Variants in WDR76 observed in about 807,000 individuals in gnomAD.
The protein encoded by WDR76 is WD repeat domain 76.
WDR76 carries 52 observed loss-of-function variants against 70.2 expected under a neutral mutation model. That is an observed-to-expected ratio of 0.74 (90% CI 0.59 to 0.93). The LOEUF (loss-of-function observed/expected upper bound fraction) is 0.93, where lower values mean the gene tolerates loss of function less well. Ranked by LOEUF, WDR76 falls within the 40% of genes least tolerant of loss-of-function variation. The pLI, the probability that WDR76 is intolerant of heterozygous loss-of-function variation, is 0.00. For missense variants in WDR76, 756 were observed against 760.2 expected (o/e 0.99, Z 0.07); for synonymous variants, 292 against 271.1 (o/e 1.08, Z -0.76).
At chr15:43,830,578 A>T (rs1486625754) in intron 2 of WDR76, among the ~76,000 whole-genome samples, 1 of 151,778 alleles carries the variant, frequency 6.6e-6, no homozygotes, top group African/African-American at 2.4e-5. Flanking sequence ...AAAAAAAAAA[A>T]AAAGATTCTG....
chr15:43,832,930 T>G (rs1280281819), intron 2 of WDR76, among the ~76,000 whole-genome samples: 1 of 151,752 alleles, frequency 6.6e-6, no homozygotes, highest in African/African-American at 2.4e-5. Context: ...TTTTTTTGTA[T>G]TTTTAGTAGA....
rs757231475 is a variant in WDR76, at chr15:43,828,036, A to G, written c.132A>G (p.Ile44Met). 1.9e-6 allele frequency: 3 copies of G among 1,614,154 alleles called. No individual in the cohort carries two copies. In the Admixed American group the frequency reaches 5.0e-5, roughly 27 times the overall value. The change falls in exon 2 of 13, where the codon ATA (isoleucine) becomes ATG (methionine). Residue 44 changes from isoleucine (I) to methionine (M), a missense_variant. By Grantham distance (10) the Ile-to-Met change is conservative (BLOSUM62 1). Transcript: ENST00000263795. ...GACCAGCACAGACTACAGTTTTAAT[A>G]AAAACAGCTAAGGTCTATCTTGCCC... is the stretch of plus-strand genomic sequence containing the variant. Reference protein sequence around the residue: ...SLRPAQTTVLIKTAKVYLAPF... With the variant: ...SLRPAQTTVLMKTAKVYLAPF...
rs1185930237 is a variant in WDR76 at position 43,857,537 on chromosome 15, C to G, written c.1409+374C>G. 4.1e-6 allele frequency: 4 copies of G among 985,196 alleles called. No individual in the cohort carries two copies. The East Asian group carries it at 4.5e-4, about 112-fold the overall frequency. 61.0% of individuals were successfully genotyped at this position (985,196 alleles called of 1,614,324 possible). On this transcript the variant is annotated intron_variant, in intron 10 of 12. Coordinates refer to ENST00000263795, the MANE Select transcript of WDR76 (RefSeq NM_024908.4). ...ATTGAAAAACCAACTAGAAACTTGACAGCTGGGCGTGGTGGCTCATGCCTG... is the reference window on the plus strand; with the variant it reads ...ATTGAAAAACCAACTAGAAACTTGAGAGCTGGGCGTGGTGGCTCATGCCTG...
At chr15:43,852,591 C>T (rs1299499176) in intron 9 of WDR76, among the ~76,000 whole-genome samples, 2 of 151,564 alleles carry the variant, frequency 1.3e-5, no homozygotes, top group South Asian at 2.1e-4. Context: ...AGGCTGGTCT[C>T]GAACTCCTGA....
At chr15:43,851,378 T>G in intron 9 of WDR76, 133 bp downstream of exon 9, 6 of 1,237,252 alleles carry the variant, frequency 4.8e-6, no homozygotes, top group Non-Finnish European at 6.8e-6. Flanking sequence ...CTGCCTAAGT[T>G]CAAATCCCAG....
intron 2 of WDR76, among the ~76,000 whole-genome samples, chr15:43,829,005 A>G (rs2141719646): frequency 6.6e-6 from 1 of 151,440 alleles, no homozygotes; most frequent in African/African-American, 2.4e-5. Flanking sequence ...CAGTTTTAAT[A>G]GATTGTCCTG....
At chr15:43,859,859 G>A (rs2087974364) in intron 11 of WDR76, among the ~76,000 whole-genome samples, 1 of 152,206 alleles carries the variant, frequency 6.6e-6, no homozygotes, top group East Asian at 1.9e-4. Flanking sequence ...GAAAAGCTAG[G>A]CACAAGGAGA....
chr15:43,829,499 C>A (rs912183745), intron 2 of WDR76, among the ~76,000 whole-genome samples: 4 of 58,000 alleles, frequency 6.9e-5, no homozygotes, highest in African/African-American at 2.3e-4. Context: ...AGCATGGCCA[C>A]TTTTTTTTTT....
chr15:43,846,381 G>A (rs1414812455), intron 8 of WDR76, among the ~76,000 whole-genome samples: 1 of 148,676 alleles, frequency 6.7e-6, no homozygotes, highest in Non-Finnish European at 1.5e-5. Flanking sequence ...AACTTCCCAC[G>A]GTCAAGCAAT....
intron 8 of WDR76, among the ~76,000 whole-genome samples, chr15:43,844,273 T>C (rs945200041): frequency 6.6e-6 from 1 of 152,198 alleles, no homozygotes; most frequent in Non-Finnish European, 1.5e-5. Flanking sequence ...CATCTGGTCA[T>C]AAATTAACTG....
Position 43,854,062 on chromosome 15 carries a change from C to G in WDR76, c.1191+2817C>G, listed in dbSNP as rs565198325. Among the ~76,000 whole-genome samples the G allele has an allele frequency of 1.9e-4, 29 of 152,184 alleles. No individual in the cohort carries two copies. The South Asian group carries it at 6.0e-3, about 32-fold the overall frequency. The stretch of plus-strand genomic sequence containing the variant: ...GATACTTGCCAGTAATAAGTGTTGA[C>G]AATGATGTGGAAAAATTGAAACCCT... On this transcript the variant is annotated intron_variant, in intron 9 of 12. Transcript: ENST00000263795.
chr15:43,864,418 T>C (rs145756785), intron 12 of WDR76, among the ~76,000 whole-genome samples: 5 of 152,334 alleles, frequency 3.3e-5, no homozygotes, highest in African/African-American at 1.2e-4. Context: ...CAATACTTGC[T>C]ATCTTTTGCT....
chr15:43,840,548 A>T (rs1176464607), intron 5 of WDR76, among the ~76,000 whole-genome samples: 1 of 152,206 alleles, frequency 6.6e-6, no homozygotes, highest in Non-Finnish European at 1.5e-5. Context: ...TTAATACTTT[A>T]TATGTAAGTG....
At chr15:43,855,998 T>C (rs2140310627) in intron 9 of WDR76, among the ~76,000 whole-genome samples, 1 of 152,354 alleles carries the variant, frequency 6.6e-6, no homozygotes. Context: ...CTTACAAGCA[T>C]ATAGTTATAC....
At position 43,852,587 on chromosome 15, in the gene WDR76, G is replaced by C. The variant is rs571008721; in HGVS notation, c.1191+1342G>C. On this transcript the variant is annotated intron_variant, in intron 9 of 12. Coordinates refer to ENST00000263795, the MANE Select transcript of WDR76 (RefSeq NM_024908.4). ...GGGTTTCACCATGTTGACCAGGCTG[G>C]TCTCGAACTCCTGACCTTGTAATCC... Among the ~76,000 whole-genome samples, 3 of 152,154 alleles carry C rather than the reference G, an allele frequency of 2.0e-5. No homozygotes were observed. In the South Asian group the frequency reaches 6.2e-4, roughly 32 times the overall value.
intron 2 of WDR76, among the ~76,000 whole-genome samples, chr15:43,830,533 G>T (rs1056735116): frequency 2.6e-4 from 38 of 144,330 alleles, no homozygotes; most frequent in African/African-American, 9.9e-4. Flanking sequence ...TTGCACTCCA[G>T]CCTGGGCAAC....
intron 2 of WDR76, among the ~76,000 whole-genome samples, chr15:43,833,762 G>A (rs977959175): frequency 7.9e-5 from 12 of 151,686 alleles, no homozygotes; most frequent in African/African-American, 2.9e-4. Context: ...TCAGCCTCCC[G>A]AGTAGCTGGG....
At position 43,867,267 on chromosome 15, in the gene WDR76, T is replaced by C. The variant is rs886748145; in HGVS notation, c.*875T>C. The stretch of plus-strand genomic sequence containing the variant: ...TCTGGGTCTGTCTGTACTTTGCCTT[T>C]ACTCTAGATGGCTCCTGAGACACAG... On this transcript the variant is annotated 3_prime_UTR_variant, in exon 13 of 13. Transcript: ENST00000263795. The C allele has an allele frequency of 6.6e-6, 1 of 152,116 alleles. No homozygotes were observed. Among genetic ancestry groups the C allele is most frequent in the Non-Finnish European group, 1.5e-5 (1 of 68,022 alleles). The allele number at this position is 152,116 out of a possible 1,614,324, so 9.4% of individuals were successfully genotyped here. A position where few individuals can be genotyped will look rare whatever the true frequency, so the allele number is the denominator to read the frequency against.
chr15:43,833,800 C>A (rs574637211), intron 2 of WDR76, among the ~76,000 whole-genome samples: 1 of 151,782 alleles, frequency 6.6e-6, no homozygotes, highest in Non-Finnish European at 1.5e-5. Context: ...CCACACCCGG[C>A]TAATTTTTGT....
Sources: gnomAD v4.1 joint callset for allele counts (sites outside exome capture counted in the v4.1 genomes callset) on GRCh38, gnomAD v4.1.1 for gene constraint, MANE v1.5 for transcripts, NCBI Gene and HGNC (gene_info 2026-07-23, HGNC 2026-07-21) for gene names.